PTPRD: variants seen among roughly 807,000 people sequenced by gnomAD.
PTPRD encodes the protein receptor-type tyrosine-protein phosphatase delta.
Under a neutral mutation model 214.5 loss-of-function variants are expected in PTPRD, and 34 were observed. The ratio of observed to expected loss-of-function variants is 0.16; its 90% CI spans 0.12 to 0.21. The LOEUF is 0.21. PTPRD is among the 10% of genes least tolerant of loss of function. The pLI is 1.00. For missense variants in PTPRD, 2,545 were observed against 2,398.7 expected, an observed-to-expected ratio of 1.06 and a Z score of -1.27; for synonymous variants, 1,128 against 845.7, an observed-to-expected ratio of 1.33 and a Z score of -5.79.
chr9:8,579,486 C>A (rs550935170), intron 14 of PTPRD, among the ~76,000 whole-genome samples: 2 of 152,176 alleles, frequency 1.3e-5, no homozygotes, highest in Non-Finnish European at 2.9e-5. Flanking sequence ...TTTGTTCACA[C>A]TGACATTTAT....
chr9:9,212,019 T>C (rs1324366607), intron 9 of PTPRD, among the ~76,000 whole-genome samples: 1 of 152,166 alleles, frequency 6.6e-6, no homozygotes, highest in African/African-American at 2.4e-5. Context: ...GTTTCTTGAA[T>C]ATACTCGTCA....
At chr9:8,322,205 G>A (rs1231048200) in intron 44 of PTPRD, among the ~76,000 whole-genome samples, 1 of 151,850 alleles carries the variant, frequency 6.6e-6, no homozygotes, top group Non-Finnish European at 1.5e-5. Flanking sequence ...ATCGAAATTA[G>A]GCCAGTTAAT....
intron 5 of PTPRD, among the ~76,000 whole-genome samples, chr9:9,816,833 C>T (rs2048935256): frequency 6.6e-6 from 1 of 151,932 alleles, no homozygotes. Context: ...CTGGATCTCT[C>T]TTATCCTATG....
chr9:9,992,159 G>A (rs1566967722), intron 4 of PTPRD, among the ~76,000 whole-genome samples: 1 of 152,162 alleles, frequency 6.6e-6, no homozygotes, highest in Non-Finnish European at 1.5e-5. Context: ...ATTCTGGAAT[G>A]AGATAGTGAC....
At chr9:9,828,264 A>C (rs996794590) in intron 5 of PTPRD, among the ~76,000 whole-genome samples, 12 of 152,146 alleles carry the variant, frequency 7.9e-5, no homozygotes, top group Non-Finnish European at 1.8e-4. Flanking sequence ...CAAATGTCCA[A>C]CAATGATAGA....
At chr9:8,807,511 G>A (rs1242144784) in intron 11 of PTPRD, among the ~76,000 whole-genome samples, 1 of 151,502 alleles carries the variant, frequency 6.6e-6, no homozygotes, top group Non-Finnish European at 1.5e-5. Context: ...CTACACATGA[G>A]GAGAGAATTA....
intron 5 of PTPRD, among the ~76,000 whole-genome samples, chr9:9,794,093 G>A (rs2098985535): frequency 6.6e-6 from 1 of 151,724 alleles, no homozygotes; most frequent in Admixed American, 6.6e-5. Flanking sequence ...GGTGTTCAGA[G>A]CTCATCAAGA....
At chr9:10,581,045 C>T (rs986533503) in intron 2 of PTPRD, among the ~76,000 whole-genome samples, 9 of 152,142 alleles carry the variant, frequency 5.9e-5, no homozygotes, top group African/African-American at 1.9e-4. Context: ...ATTCTTGGTT[C>T]TGCCACTTCT....
chr9:9,297,475 T>A lies in PTPRD; in HGVS notation c.-203+99974A>T, dbSNP rs182241529. Among the ~76,000 whole-genome samples the A allele has an allele frequency of 1.7e-3, 257 of 151,622 alleles. 1 individual carries two copies. Among genetic ancestry groups the A allele is most frequent in the African/African-American group, 6.0e-3 (250 of 41,440 alleles). ...TGAAACAAAAAAATCCCAATAAATA[T>A]CACCAAAATTAAACAAGTATTTATA... On this transcript the variant is annotated intron_variant, in intron 9 of 45. Transcript: ENST00000381196.
intron 7 of PTPRD, among the ~76,000 whole-genome samples, chr9:9,613,354 C>T (rs960945109): frequency 3.2e-4 from 48 of 151,948 alleles, no homozygotes; most frequent in Non-Finnish European, 1.2e-4. Context: ...AAGCATTCAG[C>T]TATCTTGAGA....
intron 3 of PTPRD, among the ~76,000 whole-genome samples, chr9:10,066,895 A>G (rs2097896512): frequency 6.6e-6 from 1 of 151,852 alleles, no homozygotes; most frequent in African/African-American, 2.4e-5. Context: ...CTAGAGTAAA[A>G]CATATCTTAC....
intron 39 of PTPRD, among the ~76,000 whole-genome samples, chr9:8,356,252 A>T (rs1484685563): frequency 1.3e-5 from 2 of 152,214 alleles, no homozygotes; most frequent in African/African-American, 4.8e-5. Flanking sequence ...CAAATCAGAT[A>T]CCATGTAATA....
At chr9:8,758,025 A>T (rs990697608) in intron 11 of PTPRD, among the ~76,000 whole-genome samples, 2 of 152,156 alleles carry the variant, frequency 1.3e-5, no homozygotes, top group Non-Finnish European at 2.9e-5. Context: ...TCTGGAGACA[A>T]TTCCTGACAT....
At chr9:9,620,266 C>A (rs151059323) in intron 7 of PTPRD, among the ~76,000 whole-genome samples, 6 of 152,082 alleles carry the variant, frequency 3.9e-5, no homozygotes, top group Non-Finnish European at 8.8e-5. Context: ...AAAAGGATAC[C>A]GATACCTACA....
At chr9:8,373,282 T>A (rs1471979786) in intron 39 of PTPRD, among the ~76,000 whole-genome samples, 1 of 151,970 alleles carries the variant, frequency 6.6e-6, no homozygotes, top group African/African-American at 2.4e-5. Context: ...ATAACATGGA[T>A]GTTGACGATG....
intron 7 of PTPRD, among the ~76,000 whole-genome samples, chr9:9,603,798 A>G (rs1441372608): frequency 1.3e-5 from 2 of 152,100 alleles, no homozygotes; most frequent in East Asian, 3.9e-4. Flanking sequence ...TAAAGTATAT[A>G]GAAATCCTAG....
intron 3 of PTPRD, among the ~76,000 whole-genome samples, chr9:10,286,943 T>A (rs2095375284): frequency 6.6e-6 from 1 of 152,082 alleles, no homozygotes; most frequent in South Asian, 2.1e-4. Context: ...ACACAAAAAC[T>A]GATGTCTTAA....
At chr9:9,625,553 AT>A (rs61688647) in intron 7 of PTPRD, among the ~76,000 whole-genome samples, 46,245 of 142,668 alleles carry the variant, frequency 0.32, 7,234 homozygotes, top group Middle Eastern at 0.41. Flanking sequence ...TTGTTCCTCT[AT>A]TTTTTTTTTT....
intron 14 of PTPRD, among the ~76,000 whole-genome samples, chr9:8,602,405 C>A (rs1201260220): frequency 6.6e-6 from 1 of 152,154 alleles, no homozygotes; most frequent in African/African-American, 2.4e-5. Flanking sequence ...ATGACAACAG[C>A]AACTGTGACT....
Sources: allele counts gnomAD v4.1 joint callset (sites outside exome capture counted in the v4.1 genomes callset), GRCh38; gene constraint gnomAD v4.1.1; transcripts MANE v1.5; gene names NCBI Gene and HGNC (gene_info 2026-07-23, HGNC 2026-07-21).